Variants in SLC3A1 observed in about 807,000 individuals in gnomAD.
SLC3A1 encodes the protein solute carrier family 3 member 1.
A neutral mutation model predicts 60.3 loss-of-function variants in SLC3A1; 78 were observed. The ratio of observed to expected loss-of-function variants is 1.29; its 90% confidence interval spans 1.08 to 1.56. The LOEUF is 1.56. SLC3A1 is among the 40% of genes most tolerant of loss of function. The probability of loss-of-function intolerance (pLI) is 0.00; values close to 1 mark genes in which losing one functional copy is unlikely to be tolerated. For missense variants in SLC3A1, 1,172 were observed against 858.9 expected, an observed-to-expected ratio of 1.36 and a Z score of -4.56; for synonymous variants, 392 against 307.9, an observed-to-expected ratio of 1.27 and a Z score of -2.86.
At chr2:44,318,139 C>T (rs1392741833) in intron 9 of SLC3A1, 8 of 441,152 alleles carry the variant, frequency 1.8e-5, no homozygotes, top group African/African-American at 4.2e-5. Flanking sequence ...CACCCATGCT[C>T]GAGTGCAGTG....
intron 4 of SLC3A1, among the ~76,000 whole-genome samples, chr2:44,288,262 A>G (rs1307688440): frequency 6.6e-6 from 1 of 152,038 alleles, no homozygotes; most frequent in Non-Finnish European, 1.5e-5. Context: ...CTGGCCTCAA[A>G]TGATCCACCC....
chr2:44,275,727 C>T lies in SLC3A1; in HGVS notation c.192C>T (p.Pro64=), dbSNP rs898396012. 5 of 1,614,228 alleles carry T rather than the reference C, an allele frequency of 3.1e-6. No homozygotes were observed. Among genetic ancestry groups the T allele is most frequent in the Non-Finnish European group, 4.2e-6 (5 of 1,180,020 alleles). ...SQEPDFKGVQ[P]YAGMPKEVLF... Reference sequence around the variant, plus strand: ...AGCCCGACTTCAAGGGCGTCCAGCCCTATGCGGGGATGCCCAAGGAGGTGC... The same window carrying T: ...AGCCCGACTTCAAGGGCGTCCAGCCTTATGCGGGGATGCCCAAGGAGGTGC... The change falls in exon 1 of 10, where the codon CCC becomes CCT. Residue 64 remains proline, a synonymous_variant. Coordinates refer to ENST00000260649, the MANE Select transcript of SLC3A1 (RefSeq NM_000341.4).
rs752281627 is a variant in SLC3A1, at chr2:44,275,838, C to T, written c.303C>T (p.Ile101=). The T allele has an allele frequency of 9.3e-6, 15 of 1,614,090 alleles. No individual in the cohort carries two copies. Among genetic ancestry groups the T allele is most frequent in the East Asian group, 2.2e-5 (1 of 44,888 alleles). ...CAGTGGCTTCTGTGCTGGTGCTCAT[C>T]GCGGCCACCATAGCCATCATTGCCC... ...WLTVASVLVL[I]AATIAIIALS... The change falls in exon 1 of 10, where the codon ATC becomes ATT. Residue 101 remains isoleucine, a synonymous_variant. Coordinates refer to ENST00000260649, the MANE Select transcript of SLC3A1 (RefSeq NM_000341.4).
intron 1 of SLC3A1, among the ~76,000 whole-genome samples, chr2:44,278,949 AT>A (rs1380919331): frequency 6.6e-6 from 1 of 151,928 alleles, no homozygotes; most frequent in African/African-American, 2.4e-5. Flanking sequence ...CACTGACAAC[AT>A]TTATCACCTT....
chr2:44,307,106 GA>G (rs1672177021), intron 7 of SLC3A1, among the ~76,000 whole-genome samples: 1 of 152,110 alleles, frequency 6.6e-6, no homozygotes, highest in South Asian at 2.1e-4. Flanking sequence ...TACGATATGG[GA>G]CTTTTGTGTC....
intron 8 of SLC3A1, 121 bp downstream of exon 8, chr2:44,312,874 T>C (rs1206203926): frequency 2.5e-6 from 2 of 810,114 alleles, no homozygotes; most frequent in Non-Finnish European, 4.1e-6. Flanking sequence ...CATGGTTACT[T>C]TGCTTTTCTT....
At chr2:44,279,971 C>G (rs1017064441) in intron 1 of SLC3A1, among the ~76,000 whole-genome samples, 1 of 152,136 alleles carries the variant, frequency 6.6e-6, no homozygotes, top group African/African-American at 2.4e-5. Context: ...AACCAGCCAC[C>G]CTGCAAGTGC....
At chr2:44,318,098 T>G (rs973977293) in intron 9 of SLC3A1, 1 of 308,944 alleles carries the variant, frequency 3.2e-6, no homozygotes. Flanking sequence ...CAACACTGTT[T>G]TTTTTTTTTT....
intron 5 of SLC3A1, among the ~76,000 whole-genome samples, chr2:44,300,767 T>C (rs994459486): frequency 6.6e-6 from 1 of 152,200 alleles, no homozygotes; most frequent in Admixed American, 6.5e-5. Context: ...TTTTGCTTGG[T>C]AAAATTTATT....
Position 44,321,458 on chromosome 2 carries a change from C to A in SLC3A1, c.*819C>A, listed in dbSNP as rs369498951. ...TTTGGGCTGTAATCTAAAAGAAACACATTAAAAAAATTAAATAGAAGGCCT... is the reference window on the plus strand; with the variant it reads ...TTTGGGCTGTAATCTAAAAGAAACAAATTAAAAAAATTAAATAGAAGGCCT... On this transcript the variant is annotated 3_prime_UTR_variant, in exon 10 of 10. Transcript: ENST00000260649. 6 of 1,608,406 alleles carry A rather than the reference C, an allele frequency of 3.7e-6. No individual in the cohort carries two copies. The highest frequency in any genetic ancestry group is 3.4e-5 in the Admixed American group (2 of 59,656).
chr2:44,291,676 A>G (rs1335801439), intron 4 of SLC3A1, among the ~76,000 whole-genome samples: 2 of 152,136 alleles, frequency 1.3e-5, no homozygotes, highest in Non-Finnish European at 2.9e-5. Context: ...TGTTTCTGCA[A>G]TAGAGTTAAG....
intron 4 of SLC3A1, among the ~76,000 whole-genome samples, chr2:44,293,877 A>T (rs1671790413): frequency 6.6e-6 from 1 of 152,198 alleles, no homozygotes; most frequent in African/African-American, 2.4e-5. Flanking sequence ...TCACTGGTAA[A>T]GGGGGAACAA....
chr2:44,287,633 G>A (rs1033150182), intron 4 of SLC3A1, among the ~76,000 whole-genome samples: 3 of 152,096 alleles, frequency 2.0e-5, no homozygotes, highest in Non-Finnish European at 2.9e-5. Flanking sequence ...GGGTTAGGGC[G>A]CTGAAGTAAG....
chr2:44,318,993 A>G (rs1365932255), intron 9 of SLC3A1: 1 of 152,246 alleles, frequency 6.6e-6, no homozygotes. Flanking sequence ...AGACAATAAT[A>G]GCTAACACTT....
chr2:44,318,080 AAGG>A (rs1558473509), intron 9 of SLC3A1: 1 of 438,682 alleles, frequency 2.3e-6, no homozygotes, highest in Non-Finnish European at 4.5e-6. Flanking sequence ...ATAATACTTA[AAGG>A]ATCTCAACAC....
rs373561366 is a variant in SLC3A1 at position 44,320,363 on chromosome 2, C to T, written c.1782C>T (p.Ile594=). 13 of 1,613,932 alleles carry T rather than the reference C, an allele frequency of 8.1e-6. No homozygotes were observed. The highest frequency in any genetic ancestry group is 1.0e-5 in the Non-Finnish European group (12 of 1,179,964). ...RELDGIDRIF[I]VVLNFGESTL... ...TGGATGGCATCGACAGAATCTTTATCGTGGTTCTGAATTTTGGAGAATCAA... is the reference window on the plus strand; with the variant it reads ...TGGATGGCATCGACAGAATCTTTATTGTGGTTCTGAATTTTGGAGAATCAA... Residue 594 remains isoleucine, a synonymous_variant, in exon 10 of 10, where the codon ATC becomes ATT. Coordinates refer to ENST00000260649, the MANE Select transcript of SLC3A1 (RefSeq NM_000341.4).
intron 7 of SLC3A1, among the ~76,000 whole-genome samples, chr2:44,308,663 GATCTTGT>G (rs775104607): frequency 6.6e-6 from 1 of 151,850 alleles, no homozygotes. Context: ...TGTGTATATT[GATCTTGT>G]ATCCTAAAAC....
chr2:44,303,828 G>A, intron 6 of SLC3A1: 2 of 519,424 alleles, frequency 3.9e-6, no homozygotes, highest in South Asian at 2.1e-5. Context: ...AGAACATGCG[G>A]TGTTTGGTTT....
At chr2:44,307,467 C>G (rs539182303) in intron 7 of SLC3A1, among the ~76,000 whole-genome samples, 1 of 152,212 alleles carries the variant, frequency 6.6e-6, no homozygotes, top group South Asian at 2.1e-4. Flanking sequence ...AGCAATGTTA[C>G]GAGGGTTCCA....
Sources: gnomAD v4.1 joint callset for allele counts (sites outside exome capture counted in the v4.1 genomes callset) on GRCh38, gnomAD v4.1.1 for gene constraint, MANE v1.5 for transcripts, NCBI Gene and HGNC (gene_info 2026-07-23, HGNC 2026-07-21) for gene names.